PTPRG: variants seen among roughly 807,000 people sequenced by gnomAD.
The protein encoded by PTPRG is protein tyrosine phosphatase receptor type G.
A neutral mutation model predicts 165.3 loss-of-function variants in PTPRG; 102 were observed. That is an observed-to-expected ratio of 0.62 (90% CI 0.53 to 0.73). The LOEUF (loss-of-function observed/expected upper bound fraction) is 0.73, where lower values mean the gene tolerates loss of function less well. Ranked by LOEUF, PTPRG falls within the 30% of genes least tolerant of loss-of-function variation. PTPRG has a pLI of 0.00. For synonymous variants in PTPRG, 675 were observed against 669.5 expected (o/e 1.01, Z -0.13); for missense variants, 1,866 against 1,861.4 (o/e 1.00, Z -0.05).
At chr3:61,944,013 T>TA (rs2107611143) in intron 2 of PTPRG, among the ~76,000 whole-genome samples, 1 of 152,322 alleles carries the variant, frequency 6.6e-6, no homozygotes, top group African/African-American at 2.4e-5. Context: ...GCAGGTGCTA[T>TA]ATGCCTTGGT....
intron 2 of PTPRG, among the ~76,000 whole-genome samples, chr3:61,787,435 A>G (rs2034740248): frequency 6.6e-6 from 1 of 152,168 alleles, no homozygotes; most frequent in African/African-American, 2.4e-5. Flanking sequence ...AAACTTTGCT[A>G]TGCTTAGTTT....
At chr3:62,194,942 G>T in intron 9 of PTPRG, 120 bp from the exon 10 acceptor site, 1 of 902,806 alleles carries the variant, frequency 1.1e-6, no homozygotes. Context: ...TGAGCCTTTG[G>T]TCAGCAGGGA....
intron 14 of PTPRG, among the ~76,000 whole-genome samples, chr3:62,236,212 C>T (rs182169542): frequency 1.8e-4 from 27 of 152,266 alleles, no homozygotes; most frequent in Admixed American, 3.9e-4. Context: ...AGTGGAATCC[C>T]GGAGTTATTT....
chr3:61,817,270 T>C (rs1445406238), intron 2 of PTPRG, among the ~76,000 whole-genome samples: 1 of 132,130 alleles, frequency 7.6e-6, no homozygotes, highest in Non-Finnish European at 1.5e-5. Flanking sequence ...AAGTAAGTGC[T>C]GAACCTTTTA....
chr3:61,579,753 A>T (rs1266892022), intron 1 of PTPRG, among the ~76,000 whole-genome samples: 3 of 152,324 alleles, frequency 2.0e-5, no homozygotes, highest in Non-Finnish European at 4.4e-5. Context: ...CTGAGTTCTG[A>T]AAAGGAGAAA....
intron 2 of PTPRG, among the ~76,000 whole-genome samples, chr3:61,795,029 G>A (rs981425874): frequency 2.6e-5 from 4 of 152,110 alleles, no homozygotes; most frequent in Non-Finnish European, 5.9e-5. Context: ...AATGATCAGC[G>A]TTCATTGCAT....
intron 4 of PTPRG, among the ~76,000 whole-genome samples, chr3:62,050,702 A>G (rs1319967752): frequency 5.3e-5 from 8 of 152,210 alleles, no homozygotes; most frequent in Admixed American, 1.3e-4. Context: ...AGTGACTAAC[A>G]TAACTGCAAA....
In PTPRG at chr3:62,276,806, C is replaced by G. The variant is rs1164474923; in HGVS notation, c.3560-166C>G. The stretch of plus-strand genomic sequence containing the variant: ...GTATGTGCAGCAAAATTTCATTTTA[C>G]ATTCTGCCTCAGCTGATAACACTTT... On this transcript the variant is annotated intron_variant, in intron 24 of 29. Coordinates refer to ENST00000474889, the MANE Select transcript of PTPRG (RefSeq NM_002841.4). 4 of 584,448 alleles carry G rather than the reference C, an allele frequency of 6.8e-6. No individual in the cohort carries two copies. The African/African-American group carries it at 7.6e-5, about 11-fold the overall frequency. The allele number at this position is 584,448 out of a possible 1,614,324, so 36.2% of individuals were successfully genotyped here. A position where few individuals can be genotyped will look rare whatever the true frequency, so the allele number is the denominator to read the frequency against.
intron 1 of PTPRG, among the ~76,000 whole-genome samples, chr3:61,619,335 C>G (rs369771330): frequency 2.0e-5 from 3 of 152,026 alleles, no homozygotes; most frequent in Non-Finnish European, 4.4e-5. Context: ...TGTACACCCA[C>G]GAGACCAGTG....
At chr3:62,079,967 C>T (rs1302454850) in intron 5 of PTPRG, among the ~76,000 whole-genome samples, 2 of 151,986 alleles carry the variant, frequency 1.3e-5, no homozygotes, top group Middle Eastern at 3.2e-3. Flanking sequence ...ATGGAGACCC[C>T]ATGGTATACA....
chr3:61,926,280 G>A (rs1434228961), intron 2 of PTPRG, among the ~76,000 whole-genome samples: 1 of 152,052 alleles, frequency 6.6e-6, no homozygotes, highest in South Asian at 2.1e-4. Flanking sequence ...GAGGTGATTG[G>A]TTCATGGGGG....
intron 1 of PTPRG, among the ~76,000 whole-genome samples, chr3:61,685,581 G>T (rs1403108283): frequency 6.6e-6 from 1 of 152,174 alleles, no homozygotes; most frequent in Non-Finnish European, 1.5e-5. Flanking sequence ...CCCTTGGCTG[G>T]GGAAGAGCTT....
At chr3:62,053,913 T>G (rs1700546394) in intron 4 of PTPRG, among the ~76,000 whole-genome samples, 1 of 152,172 alleles carries the variant, frequency 6.6e-6, no homozygotes, top group South Asian at 2.1e-4. Context: ...TCTATTGAGG[T>G]ATAGCCTACA....
intron 2 of PTPRG, among the ~76,000 whole-genome samples, chr3:61,926,482 G>A (rs1323650756): frequency 6.6e-6 from 1 of 151,852 alleles, no homozygotes; most frequent in South Asian, 2.1e-4. Flanking sequence ...AAGCCAAGTA[G>A]GTTGCAATAC....
At chr3:61,600,748 C>T (rs976493675) in intron 1 of PTPRG, among the ~76,000 whole-genome samples, 4 of 151,976 alleles carry the variant, frequency 2.6e-5, no homozygotes, top group African/African-American at 9.7e-5. Context: ...CCAGTGTTGC[C>T]GAGGCTGGTC....
intron 5 of PTPRG, among the ~76,000 whole-genome samples, chr3:62,080,386 C>G (rs1701530648): frequency 6.6e-6 from 1 of 151,974 alleles, no homozygotes; most frequent in Admixed American, 6.6e-5. Flanking sequence ...CCCTTCTGTT[C>G]TTAAACTGTG....
chr3:61,839,531 T>A (rs673393), intron 2 of PTPRG, among the ~76,000 whole-genome samples: 8,332 of 152,248 alleles, frequency 0.055, 726 homozygotes, highest in African/African-American at 0.19. Context: ...GCTTAAAACA[T>A]TTTAAACTAA....
intron 4 of PTPRG, among the ~76,000 whole-genome samples, chr3:62,044,218 C>T (rs565060694): frequency 6.6e-6 from 1 of 152,342 alleles, no homozygotes; most frequent in South Asian, 2.1e-4. Context: ...GTCACTTAAC[C>T]TCTCTCTGCT....
intron 5 of PTPRG, among the ~76,000 whole-genome samples, chr3:62,097,523 G>T (rs566997586): frequency 6.6e-6 from 1 of 150,606 alleles, no homozygotes; most frequent in African/African-American, 2.4e-5. Flanking sequence ...ATATTTTTGG[G>T]GGCAAGAGAG....
Sources: allele counts gnomAD v4.1 joint callset (sites outside exome capture counted in the v4.1 genomes callset), GRCh38; gene constraint gnomAD v4.1.1; transcripts MANE v1.5; gene names NCBI Gene and HGNC (gene_info 2026-07-23, HGNC 2026-07-21).